Variants in NUP188 observed in about 807,000 individuals in gnomAD.
NUP188 encodes the protein nucleoporin NUP188.
Under a neutral mutation model 223.0 loss-of-function variants are expected in NUP188, and 97 were observed. The ratio of observed to expected loss-of-function variants is 0.43; its 90% CI spans 0.37 to 0.51. The LOEUF (loss-of-function observed/expected upper bound fraction) is 0.51, where lower values mean the gene tolerates loss of function less well. NUP188 is among the 20% of genes least tolerant of loss of function. NUP188 has a pLI of 0.00. For missense variants in NUP188, 1,947 were observed against 2,175.6 expected, an observed-to-expected ratio of 0.89 and a Z score of 2.09; for synonymous variants, 869 against 828.0, an observed-to-expected ratio of 1.05 and a Z score of -0.85.
chr9:128,999,945 C>T, intron 34 of NUP188, 140 bp downstream of exon 34: 2 of 731,320 alleles, frequency 2.7e-6, no homozygotes, highest in Non-Finnish European at 4.5e-6. Context: ...GTTAATAGAT[C>T]AGACACTGCA....
chr9:128,955,331 A>G (rs1841853952), intron 3 of NUP188, among the ~76,000 whole-genome samples: 1 of 151,968 alleles, frequency 6.6e-6, no homozygotes, highest in Non-Finnish European at 1.5e-5. Flanking sequence ...AGCCATGTCC[A>G]GCTAATTTTT....
intron 36 of NUP188, 57 bp from the exon 37 acceptor site, chr9:129,002,760 C>T (rs576275568): frequency 4.7e-5 from 74 of 1,571,042 alleles, no homozygotes; most frequent in South Asian, 4.6e-4. Context: ...TGCTGTACTA[C>T]AAGGAGGTCC....
intron 15 of NUP188, among the ~76,000 whole-genome samples, chr9:128,982,026 G>A (rs1842261575): frequency 6.6e-6 from 1 of 151,800 alleles, no homozygotes. Flanking sequence ...GCAGTGAGTT[G>A]AGATCGCGCC....
intron 38 of NUP188, chr9:129,004,740 G>A (rs182467922): frequency 9.1e-5 from 17 of 186,882 alleles, no homozygotes; most frequent in African/African-American, 3.5e-4. Context: ...TGCTGACCTC[G>A]TGATGCGCCT....
chr9:128,993,768 G>A (rs374498622), intron 27 of NUP188, 74 bp downstream of exon 27: 1 of 1,386,682 alleles, frequency 7.2e-7, no homozygotes, highest in Non-Finnish European at 1.0e-6. Context: ...TTATCCCAGA[G>A]GTTTGTTGTG....
chr9:128,982,883 A>T lies in NUP188; in HGVS notation c.1670-19A>T, dbSNP rs145885567. On this transcript the variant is annotated intron_variant, in intron 16 of 43. Transcript: ENST00000372577. ...AAGGGGTTGTTTGCCGTGAGGTCAC[A>T]GGCTGTCTTTCTTCTCAGATGTGAT... 2.4e-3 allele frequency: 3,954 copies of T among 1,614,070 alleles called. 8 individuals carry two copies. The highest frequency in any genetic ancestry group is 3.1e-3 in the Non-Finnish European group (3,645 of 1,179,960).
intron 18 of NUP188, 47 bp downstream of exon 18, chr9:128,983,427 C>G: frequency 6.2e-7 from 1 of 1,611,432 alleles, no homozygotes; most frequent in African/African-American, 1.3e-5. Context: ...GCACTTGGCA[C>G]ATACCTGAAG....
chr9:128,984,124 A>ATTGTTTTTTTTTTTTTTTTTTTT (rs1842296351), intron 19 of NUP188, among the ~76,000 whole-genome samples: 1 of 93,070 alleles, frequency 1.1e-5, no homozygotes, highest in Non-Finnish European at 2.0e-5. Flanking sequence ...GCCTGGCCTG[A>ATTGTTTTTTTTTTTTTTTTTTTT]TTTTTTTTTT....
intron 8 of NUP188, among the ~76,000 whole-genome samples, chr9:128,959,868 A>G (rs1035962924): frequency 6.6e-6 from 1 of 152,064 alleles, no homozygotes; most frequent in African/African-American, 2.4e-5. Flanking sequence ...AAGTTTAAAC[A>G]TGTCATATAA....
chr9:128,991,151 G>A (rs1356086284), intron 25 of NUP188, among the ~76,000 whole-genome samples: 1 of 149,840 alleles, frequency 6.7e-6, no homozygotes, highest in Non-Finnish European at 1.5e-5. Flanking sequence ...GATATGCCAT[G>A]CTCCAGATTT....
At chr9:128,955,364 G>C (rs958214196) in intron 3 of NUP188, among the ~76,000 whole-genome samples, 7 of 151,810 alleles carry the variant, frequency 4.6e-5, no homozygotes, top group African/African-American at 1.7e-4. Flanking sequence ...GGAGATGAGG[G>C]TCTCACTTTG....
intron 3 of NUP188, among the ~76,000 whole-genome samples, chr9:128,953,824 CAG>C (rs1484256550): frequency 6.6e-6 from 1 of 151,834 alleles, no homozygotes; most frequent in Admixed American, 6.6e-5. Context: ...GGTCTCATTC[CAG>C]TGTCTGTTCT....
intron 38 of NUP188, chr9:129,004,898 A>G: frequency 1.8e-6 from 1 of 557,284 alleles, no homozygotes; most frequent in Non-Finnish European, 3.2e-6. Context: ...CCAAGTTTGT[A>G]GCCCTGAGTA....
intron 5 of NUP188, among the ~76,000 whole-genome samples, chr9:128,957,796 C>G (rs1841892218): frequency 6.6e-6 from 1 of 152,082 alleles, no homozygotes; most frequent in African/African-American, 2.4e-5. Context: ...CTGCCCAGCC[C>G]CTCATTTTAC....
At chr9:128,962,052 C>T (rs1051205014) in intron 8 of NUP188, among the ~76,000 whole-genome samples, 1 of 151,732 alleles carries the variant, frequency 6.6e-6, no homozygotes, top group Non-Finnish European at 1.5e-5. Context: ...TCTCCTGCCT[C>T]AGCCTCCTGA....
chr9:128,956,540 A>C, intron 4 of NUP188, 106 bp downstream of exon 4: 1 of 611,072 alleles, frequency 1.6e-6, no homozygotes, highest in South Asian at 2.6e-5. Context: ...TTTGGGGATT[A>C]AATTGTTTTA....
chr9:129,006,114 G>A lies in NUP188; in HGVS notation c.4934G>A (p.Arg1645Lys). 1.2e-6 allele frequency: 2 copies of A among 1,614,180 alleles called. 1 individual carries two copies. Among genetic ancestry groups the A allele is most frequent in the South Asian group, 2.2e-5 (2 of 91,088 alleles). The change falls in exon 42 of 44, where the codon AGG (arginine) becomes AAG (lysine). Residue 1645 changes from arginine to lysine, a missense_variant. By Grantham distance (26) the Arg-to-Lys change is conservative (BLOSUM62 2). Transcript: ENST00000372577. ...VGLSTQAEGT[R>K]TLKSLLMFTM... ...CTCAGCACACAGGCAGAAGGGACCA[G>A]GACGTTAAAGTAAGTGCTCTTTCTG... is the stretch of plus-strand genomic sequence containing the variant.
chr9:128,983,351 A>G lies in NUP188; in HGVS notation c.1855A>G (p.Thr619Ala). The G allele has an allele frequency of 6.2e-7, 1 of 1,614,194 alleles. No homozygotes were observed. The change falls in exon 18 of 44, where the codon ACT becomes GCT. Residue 619 changes from threonine (T) to alanine (A), a missense_variant. Around this residue, in one of 3 missense-constraint regions of NUP188, gnomAD observed 817 missense variants for 865.8 expected, o/e 0.94. Transcript: ENST00000372577. ...DVIASCVNCL[T>A]VLAARNPAKV... ...CATTGCTTCTTGTGTCAACTGCTTA[A>G]CTGTTTTGGCTGCCCGCAATCCAGC... is the stretch of plus-strand genomic sequence containing the variant.
In NUP188 at chr9:129,005,041, G is replaced by A. The variant is rs963144597; in HGVS notation, c.4435-106G>A. 113 of 743,564 alleles carry A rather than the reference G, an allele frequency of 1.5e-4. No individual in the cohort carries two copies. In the African/African-American group the frequency reaches 1.7e-3, roughly 11 times the overall value. The allele number at this position is 743,564 out of a possible 1,614,324, so 46.1% of individuals were successfully genotyped here. ...GAAGGAGGGAGAGAAGAGCAGCAGCGAGTGAGGAGCGCATGGGTGTTACAT... is the reference window on the plus strand; with the variant it reads ...GAAGGAGGGAGAGAAGAGCAGCAGCAAGTGAGGAGCGCATGGGTGTTACAT... On this transcript the variant is annotated intron_variant, in intron 38 of 43. Coordinates refer to ENST00000372577, the MANE Select transcript of NUP188 (RefSeq NM_015354.3).
Sources: allele counts gnomAD v4.1 joint callset (sites outside exome capture counted in the v4.1 genomes callset), GRCh38; gene constraint gnomAD v4.1.1; regional missense constraint gnomAD v4.1.1; transcripts MANE v1.5; gene names NCBI Gene and HGNC (gene_info 2026-07-23, HGNC 2026-07-21).